The following SLC9C2 variants were observed in gnomAD, a reference collection of about 807,000 sequenced individuals.
The protein encoded by SLC9C2 is sodium/hydrogen exchanger 11.
SLC9C2 carries 75 observed loss-of-function variants against 140.2 expected under a neutral mutation model. The observed-to-expected ratio is 0.53, with a 90% CI of 0.44 to 0.65. SLC9C2 has a LOEUF of 0.65. Ranked by LOEUF, SLC9C2 falls within the 30% of genes least tolerant of loss-of-function variation. The pLI, the probability that SLC9C2 is intolerant of heterozygous loss-of-function variation, is 0.00. For synonymous variants in SLC9C2, 375 were observed against 420.9 expected (o/e 0.89, Z 1.34); for missense variants, 1,074 against 1,331.8 (o/e 0.81, Z 3.01).
intron 11 of SLC9C2, among the ~76,000 whole-genome samples, chr1:173,548,775 A>C (rs1009314904): frequency 1.3e-5 from 2 of 152,202 alleles, no homozygotes; most frequent in Non-Finnish European, 2.9e-5. Flanking sequence ...CTGATAAAAA[A>C]TGTTTATTAG....
rs531554322 is a variant in SLC9C2 at position 173,538,802 on chromosome 1, T to G, written c.1558-1763A>C. ...ATGCTGAGTGCAGTAAAAAACAAGT[T>G]GTGGGGCAGAGCATCAGTTAGAGAA... On this transcript the variant is annotated intron_variant, in intron 13 of 27. Transcript: ENST00000367714. 5.9e-5 allele frequency among the ~76,000 whole-genome samples: 9 copies of G among 152,158 alleles called. No homozygotes were observed. In the East Asian group the frequency reaches 1.7e-3, roughly 29 times the overall value.
chr1:173,551,730 A>ATC (rs1354143124), intron 11 of SLC9C2, among the ~76,000 whole-genome samples: 1 of 152,136 alleles, frequency 6.6e-6, no homozygotes, highest in Non-Finnish European at 1.5e-5. Flanking sequence ...CCATTTCTGC[A>ATC]TCTCTCTCTC....
At chr1:173,518,105 A>T (rs1250680835) in intron 22 of SLC9C2, among the ~76,000 whole-genome samples, 1 of 152,176 alleles carries the variant, frequency 6.6e-6, no homozygotes, top group Non-Finnish European at 1.5e-5. Flanking sequence ...CTAAAAAAAA[A>T]TACAAAAATT....
chr1:173,590,523 A>T (rs1229186121), intron 4 of SLC9C2, among the ~76,000 whole-genome samples: 1 of 152,204 alleles, frequency 6.6e-6, no homozygotes, highest in African/African-American at 2.4e-5. Context: ...AAATACATAT[A>T]TATCTATGAT....
At chr1:173,511,029 CTTTTTTTTTTTTTT>C (rs71111066) in intron 23 of SLC9C2, among the ~76,000 whole-genome samples, 1 of 86,740 alleles carries the variant, frequency 1.2e-5, no homozygotes, top group Non-Finnish European at 2.0e-5. Flanking sequence ...CTTTCTTTTC[CTTTTTTTTTTTTTT>C]TTTTTTTTTT....
chr1:173,542,898 T>C (rs936022614), intron 13 of SLC9C2, among the ~76,000 whole-genome samples: 1 of 152,130 alleles, frequency 6.6e-6, no homozygotes, highest in African/African-American at 2.4e-5. Context: ...CCCACAGCAG[T>C]ATCATACTCA....
chr1:173,533,603 T>A lies in SLC9C2; in HGVS notation c.2163+6A>T. The stretch of plus-strand genomic sequence containing the variant: ...AATCTTAATATTTTAAAATGTGAAA[T>A]CTTACCTTGAAGAGAGGAAGAAACC... On this transcript the variant is annotated splice_donor_region_variant and intron_variant, in intron 17 of 27. Coordinates refer to ENST00000367714, the MANE Select transcript of SLC9C2 (RefSeq NM_178527.4). 1 of 1,566,834 alleles carries A rather than the reference T, an allele frequency of 6.4e-7. No individual in the cohort carries two copies. Among genetic ancestry groups the A allele is most frequent in the Non-Finnish European group, 8.7e-7 (1 of 1,150,182 alleles).
intron 9 of SLC9C2, among the ~76,000 whole-genome samples, 181 bp from the exon 10 acceptor site, chr1:173,557,689 G>T (rs1663807761): frequency 6.6e-6 from 1 of 152,138 alleles, no homozygotes; most frequent in African/African-American, 2.4e-5. Flanking sequence ...TTTAAAGTTT[G>T]CACATAACAC....
chr1:173,527,137 A>G (rs758248626), intron 18 of SLC9C2, among the ~76,000 whole-genome samples: 4 of 152,014 alleles, frequency 2.6e-5, no homozygotes, highest in Admixed American at 2.6e-4. Flanking sequence ...AAGCCACCAC[A>G]CCTAGCCTGG....
rs1370651808 is a variant in SLC9C2, at chr1:173,526,663, C to T, written c.2365G>A (p.Val789Ile). 1 of 1,591,564 alleles carries T rather than the reference C, an allele frequency of 6.3e-7. No homozygotes were observed. ...TNKQDAVKEL[V>I]LMEHEGRDVV... Reference sequence around the variant, plus strand: ...GAACTCAGATACTTCAACTACCTACCTAATTCTTTGACAGCATCCTGTTTG... The same window carrying T: ...GAACTCAGATACTTCAACTACCTACTTAATTCTTTGACAGCATCCTGTTTG... Residue 789 changes from valine to isoleucine, a missense_variant and splice_region_variant, in exon 19 of 28, where the codon GTA (valine) becomes ATA (isoleucine). Coordinates refer to ENST00000367714, the MANE Select transcript of SLC9C2 (RefSeq NM_178527.4).
chr1:173,545,244 T>C (rs565307135), intron 13 of SLC9C2, among the ~76,000 whole-genome samples: 4 of 152,178 alleles, frequency 2.6e-5, no homozygotes, highest in Non-Finnish European at 5.9e-5. Context: ...ACCAGAGTCA[T>C]GGAAAACAAA....
rs1310089072 is a variant in SLC9C2 at position 173,601,587 on chromosome 1, T to C, written c.127+63A>G. 1.9e-6 allele frequency: 3 copies of C among 1,571,892 alleles called. No individual in the cohort carries two copies. In the East Asian group the frequency reaches 6.7e-5, roughly 35 times the overall value. ...TTTGATGTTATGTAGTTGTGATGGC[T>C]TTCTGCATTGACAAAAGGTTCACAG... On this transcript the variant is annotated intron_variant, in intron 2 of 27. Coordinates refer to ENST00000367714, the MANE Select transcript of SLC9C2 (RefSeq NM_178527.4).
At chr1:173,557,739 A>T (rs769541153) in intron 9 of SLC9C2, among the ~76,000 whole-genome samples, 6 of 152,236 alleles carry the variant, frequency 3.9e-5, no homozygotes, top group Non-Finnish European at 8.8e-5. Context: ...CTAAACAAAT[A>T]TAAGGAATTA....
intron 22 of SLC9C2, 90 bp from the exon 23 acceptor site, chr1:173,517,794 T>G: frequency 1.8e-6 from 2 of 1,125,500 alleles, no homozygotes; most frequent in Non-Finnish European, 2.4e-6. Context: ...TCTTACAACT[T>G]TCCAATGGAA....
intron 7 of SLC9C2, among the ~76,000 whole-genome samples, chr1:173,578,678 T>G (rs929007481): frequency 1.3e-5 from 2 of 152,218 alleles, no homozygotes; most frequent in African/African-American, 2.4e-5. Flanking sequence ...AGGGCTGTGA[T>G]GGAGATTCTG....
Position 173,602,938 on chromosome 1 carries a change from A to G in SLC9C2, c.-267T>C, listed in dbSNP as rs992186034. 6.6e-6 allele frequency: 1 copy of G among 152,180 alleles called. No individual in the cohort carries two copies. Among genetic ancestry groups the G allele is most frequent in the Non-Finnish European group, 1.5e-5 (1 of 68,038 alleles). 9.4% of individuals were successfully genotyped at this position (152,180 alleles called of 1,614,324 possible). ...TGTAATGACCCTCAAATTAAGTTCT[A>G]CAAATTACCCAGATCAGAGATATGT... On this transcript the variant is annotated 5_prime_UTR_variant, in exon 1 of 28. Transcript: ENST00000367714.
chr1:173,580,761 C>A (rs182785872), intron 7 of SLC9C2, among the ~76,000 whole-genome samples: 2 of 152,250 alleles, frequency 1.3e-5, no homozygotes, highest in Non-Finnish European at 2.9e-5. Flanking sequence ...CTCAAGTCTG[C>A]CTAACTCCAA....
intron 18 of SLC9C2, among the ~76,000 whole-genome samples, chr1:173,529,278 C>T (rs1250063039): frequency 6.6e-6 from 1 of 152,006 alleles, no homozygotes; most frequent in African/African-American, 2.4e-5. Flanking sequence ...CCCAAAGAAG[C>T]ATGAGAATGA....
At chr1:173,507,512 A>G (rs1027144816) in intron 24 of SLC9C2, among the ~76,000 whole-genome samples, 4 of 149,188 alleles carry the variant, frequency 2.7e-5, no homozygotes, top group Non-Finnish European at 5.9e-5. Flanking sequence ...AATTGTGCAC[A>G]CACACACACA....
Sources: allele counts gnomAD v4.1 joint callset (sites outside exome capture counted in the v4.1 genomes callset), GRCh38; gene constraint gnomAD v4.1.1; transcripts MANE v1.5; gene names NCBI Gene and HGNC (gene_info 2026-07-23, HGNC 2026-07-21).